SLC44A5: variants seen among roughly 807,000 people sequenced by gnomAD.
The protein encoded by SLC44A5 is solute carrier family 44 member 5.
In SLC44A5, 57 loss-of-function variants were observed where a neutral mutation model predicts 101.8. The ratio of observed to expected loss-of-function variants is 0.56; its 90% CI spans 0.45 to 0.70. The LOEUF (loss-of-function observed/expected upper bound fraction) is 0.70. Among genes scored for constraint, SLC44A5 ranks in the 30% least tolerant of loss-of-function variants. SLC44A5 has a pLI of 0.00. For missense variants in SLC44A5, 737 were observed against 853.1 expected (o/e 0.86, Z 1.70); for synonymous variants, 281 against 290.9 (o/e 0.97, Z 0.35).
chr1:75,457,363 C>T (rs1430576761), intron 2 of SLC44A5, among the ~76,000 whole-genome samples: 1 of 151,976 alleles, frequency 6.6e-6, no homozygotes, highest in South Asian at 2.1e-4. Flanking sequence ...CAGAAATGAA[C>T]CTTCTGATCT....
At chr1:75,476,067 C>A (rs2101747653) in intron 2 of SLC44A5, among the ~76,000 whole-genome samples, 2 of 152,132 alleles carry the variant, frequency 1.3e-5, no homozygotes, top group East Asian at 3.9e-4. Flanking sequence ...CCTGTAATCC[C>A]AACTACTCAG....
At chr1:75,207,187 AG>A (rs1646764223) in intron 23 of SLC44A5, among the ~76,000 whole-genome samples, 1 of 152,182 alleles carries the variant, frequency 6.6e-6, no homozygotes. Context: ...CCTGAGGCCC[AG>A]GGATATAAAA....
At chr1:75,583,251 A>T (rs1191292649) in intron 1 of SLC44A5, among the ~76,000 whole-genome samples, 1 of 152,144 alleles carries the variant, frequency 6.6e-6, no homozygotes, top group African/African-American at 2.4e-5. Context: ...GATGGCAGGG[A>T]TCAAAAAAGG....
intron 1 of SLC44A5, among the ~76,000 whole-genome samples, chr1:75,575,951 T>C (rs917582289): frequency 2.0e-5 from 3 of 152,102 alleles, no homozygotes; most frequent in Non-Finnish European, 4.4e-5. Flanking sequence ...AGCTAAAATG[T>C]TGGAGAGCTT....
intron 3 of SLC44A5, among the ~76,000 whole-genome samples, chr1:75,376,261 G>A (rs969304711): frequency 2.6e-5 from 4 of 152,238 alleles, no homozygotes; most frequent in African/African-American, 9.6e-5. Flanking sequence ...GGCTGGGGGA[G>A]GGGCGCCCGC....
intron 2 of SLC44A5, among the ~76,000 whole-genome samples, chr1:75,524,474 C>G (rs544219608): frequency 3.0e-4 from 45 of 152,150 alleles, no homozygotes; most frequent in Non-Finnish European, 5.0e-4. Context: ...TTGGAAAATT[C>G]AAAACAGCTA....
chr1:75,696,764 G>A, the SLC44A5 span, among the ~76,000 whole-genome samples: 7 of 152,170 alleles, frequency 4.6e-5, no homozygotes, highest in African/African-American at 7.2e-5. Flanking sequence ...TTAGCCAGGC[G>A]TGGTTGTGGA....
At chr1:75,641,385 T>C in the SLC44A5 span, 1 of 887,434 alleles carries the variant, frequency 1.1e-6, no homozygotes, top group Non-Finnish European at 1.9e-6. Context: ...TCTTCATGTG[T>C]ATATGAGCTT....
In SLC44A5 at chr1:75,580,980, T is replaced by C. The variant is rs116372619; in HGVS notation, c.-70+30060A>G. Among the ~76,000 whole-genome samples the C allele has an allele frequency of 7.8e-3, 1,186 of 152,284 alleles. 14 individuals carry two copies. The highest frequency in any genetic ancestry group is 0.027 in the African/African-American group (1,130 of 41,554). On this transcript the variant is annotated intron_variant, in intron 1 of 23. Transcript: ENST00000370859. Reference sequence around the variant, plus strand: ...GTGCCTGTGGAGAAGAAAGATACTTTCTTTCTCAGATACCTACTATCCATA... The same window carrying C: ...GTGCCTGTGGAGAAGAAAGATACTTCCTTTCTCAGATACCTACTATCCATA...
chr1:75,300,508 A>C, intron 5 of SLC44A5, 104 bp downstream of exon 5: 2 of 663,206 alleles, frequency 3.0e-6, no homozygotes, highest in Non-Finnish European at 4.8e-6. Flanking sequence ...ACAGTCAATA[A>C]TAGGAAGGCT....
intron 2 of SLC44A5, among the ~76,000 whole-genome samples, chr1:75,461,812 G>A (rs2101695782): frequency 6.6e-6 from 1 of 152,324 alleles, no homozygotes; most frequent in East Asian, 1.9e-4. Flanking sequence ...TGGAGTGGTG[G>A]TGGGTATGGG....
the SLC44A5 span, among the ~76,000 whole-genome samples, chr1:75,693,636 G>A: frequency 6.6e-6 from 1 of 152,138 alleles, no homozygotes; most frequent in African/African-American, 2.4e-5. Context: ...GATAAAAATG[G>A]TACGGAAGAG....
intron 4 of SLC44A5, among the ~76,000 whole-genome samples, chr1:75,327,466 T>C (rs1656688267): frequency 6.6e-6 from 1 of 152,200 alleles, no homozygotes; most frequent in Non-Finnish European, 1.5e-5. Flanking sequence ...TTTTACAATT[T>C]GGGTTTATAA....
intron 7 of SLC44A5, among the ~76,000 whole-genome samples, chr1:75,247,318 A>T (rs1570462433): frequency 6.6e-6 from 1 of 152,222 alleles, no homozygotes; most frequent in South Asian, 2.1e-4. Context: ...ATTAATTGAG[A>T]CAGGGAATAC....
At position 75,579,826 on chromosome 1, in the gene SLC44A5, T is replaced by TACACACACACACACACACACAC. The variant is rs6143284; in HGVS notation, c.-70+31213_-70+31214insGTGTGTGTGTGTGTGTGTGTGT. On this transcript the variant is annotated intron_variant, in intron 1 of 23. Coordinates refer to ENST00000370859, the MANE Select transcript of SLC44A5 (RefSeq NM_001130058.2). ...TTGGAGAAGACAAAATTCAACTATC[T>TACACACACACACACACACACAC]ACACACACACACACACAAACTAGTC... Among the ~76,000 whole-genome samples the TACACACACACACACACACACAC allele has an allele frequency of 7.1e-3, 1,063 of 150,050 alleles. 17 individuals are homozygous for TACACACACACACACACACACAC. Among genetic ancestry groups the TACACACACACACACACACACAC allele is most frequent in the Admixed American group, 0.035 (526 of 15,012 alleles).
At chr1:75,324,948 C>A (rs529185995) in intron 4 of SLC44A5, among the ~76,000 whole-genome samples, 1 of 152,126 alleles carries the variant, frequency 6.6e-6, no homozygotes, top group Non-Finnish European at 1.5e-5. Flanking sequence ...ATTTTTTAAT[C>A]AAGCAAATAT....
chr1:75,414,511 C>T (rs566378706), intron 2 of SLC44A5, among the ~76,000 whole-genome samples: 1 of 152,180 alleles, frequency 6.6e-6, no homozygotes, highest in Admixed American at 6.5e-5. Context: ...GCTCTGCTCT[C>T]ATGGAGCTTA....
chr1:75,723,932 T>C, the SLC44A5 span: 10 of 152,274 alleles, frequency 6.6e-5, no homozygotes, highest in Non-Finnish European at 1.5e-4. Flanking sequence ...TAAGATTTAG[T>C]ATAAGCTACC....
intron 2 of SLC44A5, among the ~76,000 whole-genome samples, chr1:75,409,604 T>A (rs1416620032): frequency 1.3e-5 from 2 of 152,054 alleles, no homozygotes; most frequent in South Asian, 2.1e-4. Flanking sequence ...TTTGGTTGAA[T>A]AAATGAAAAT....
Sources: gnomAD v4.1 joint callset for allele counts (sites outside exome capture counted in the v4.1 genomes callset) on GRCh38, gnomAD v4.1.1 for gene constraint, MANE v1.5 for transcripts, NCBI Gene and HGNC (gene_info 2026-07-23, HGNC 2026-07-21) for gene names.